SENP8: variants seen among roughly 807,000 people sequenced by gnomAD.
SENP8 encodes sentrin-specific protease 8.
In SENP8, 10 loss-of-function variants were observed where a neutral mutation model predicts 14.4. The ratio of observed to expected loss-of-function variants is 0.69; its 90% CI spans 0.43 to 1.18. The LOEUF (loss-of-function observed/expected upper bound fraction) is 1.18, where lower values mean the gene tolerates loss of function less well. Ranked by LOEUF, SENP8 falls within the 50% of genes most tolerant of loss-of-function variation. The pLI is 0.00. For synonymous variants in SENP8, 94 were observed against 95.5 expected, an observed-to-expected ratio of 0.98 and a Z score of 0.09; for missense variants, 202 against 249.4, an observed-to-expected ratio of 0.81 and a Z score of 1.28.
At chr15:72,116,226 C>T (rs556275174), upstream of SENP8, among the ~76,000 whole-genome samples, 6 of 152,270 alleles carry the variant, frequency 3.9e-5, no homozygotes, top group African/African-American at 1.4e-4. Flanking sequence ...AAACTTTTGG[C>T]TTTTACGTCT....
chr15:72,138,782 G>A (rs1371889499), intron 1 of SENP8, among the ~76,000 whole-genome samples: 3 of 150,956 alleles, frequency 2.0e-5, no homozygotes, highest in Non-Finnish European at 3.0e-5. Flanking sequence ...CTGATATGGC[G>A]AAACCCTGTC....
intron 1 of SENP8, among the ~76,000 whole-genome samples, chr15:72,123,209 G>A (rs534013867): frequency 1.3e-5 from 2 of 152,340 alleles, no homozygotes; most frequent in Admixed American, 1.3e-4. Flanking sequence ...TTCAAATAGT[G>A]TGTTTGCATA....
upstream of SENP8, among the ~76,000 whole-genome samples, chr15:72,115,372 T>C (rs965441411): frequency 6.6e-5 from 10 of 152,254 alleles, no homozygotes; most frequent in Middle Eastern, 6.8e-3. Context: ...AAACTGAACA[T>C]GTCACAAATT....
chr15:72,121,677 G>A (rs1271137817), intron 1 of SENP8, among the ~76,000 whole-genome samples: 1 of 152,146 alleles, frequency 6.6e-6, no homozygotes, highest in Non-Finnish European at 1.5e-5. Context: ...AGGCTGCAGT[G>A]TTCATGCCAC....
chr15:72,126,716 A>T (rs1392763370), intron 1 of SENP8, among the ~76,000 whole-genome samples: 1 of 152,186 alleles, frequency 6.6e-6, no homozygotes, highest in Non-Finnish European at 1.5e-5. Flanking sequence ...ACACGCTGAA[A>T]ACACTGGAAT....
intron 1 of SENP8, among the ~76,000 whole-genome samples, chr15:72,121,580 A>C (rs908174370): frequency 6.6e-6 from 1 of 151,440 alleles, no homozygotes; most frequent in Non-Finnish European, 1.5e-5. Context: ...AAAAAAAAAG[A>C]AAATTAGCCA....
chr15:72,116,478 T>C (rs1419140010), upstream of SENP8, among the ~76,000 whole-genome samples: 6 of 152,210 alleles, frequency 3.9e-5, no homozygotes, highest in African/African-American at 7.2e-5. Flanking sequence ...ATGACCTCAG[T>C]GAACACTGCA....
intron 1 of SENP8, among the ~76,000 whole-genome samples, chr15:72,122,158 G>A (rs992128433): frequency 7.0e-6 from 1 of 143,542 alleles, no homozygotes; most frequent in Admixed American, 7.0e-5. Context: ...CAAAAGAATG[G>A]GAGGTCCTCA....
intron 1 of SENP8, among the ~76,000 whole-genome samples, chr15:72,132,946 G>A (rs967407816): frequency 1.4e-4 from 21 of 152,228 alleles, no homozygotes; most frequent in South Asian, 2.1e-4. Flanking sequence ...CAAGGCGGGC[G>A]GAACACCTGA....
intron 1 of SENP8, among the ~76,000 whole-genome samples, chr15:72,137,800 G>A (rs1036070304): frequency 3.3e-5 from 5 of 151,994 alleles, no homozygotes; most frequent in Admixed American, 6.6e-5. Flanking sequence ...GTGAAACCCC[G>A]TCTCTACTAA....
intron 1 of SENP8, among the ~76,000 whole-genome samples, chr15:72,128,349 T>A (rs1416431252): frequency 6.6e-6 from 1 of 152,250 alleles, no homozygotes; most frequent in Non-Finnish European, 1.5e-5. Flanking sequence ...TGCTAAAGCA[T>A]AAGCTTGTGC....
chr15:72,129,577 A>C, intron 1 of SENP8, among the ~76,000 whole-genome samples: 1 of 136,308 alleles, frequency 7.3e-6, no homozygotes, highest in Non-Finnish European at 1.5e-5. Context: ...GGGTTTCTCC[A>C]TGTTGGTCAG....
intron 1 of SENP8, among the ~76,000 whole-genome samples, chr15:72,138,399 G>T (rs1387992148): frequency 6.7e-6 from 1 of 150,174 alleles, no homozygotes; most frequent in Non-Finnish European, 1.5e-5. Context: ...GCCCAGGCTG[G>T]AGCGCAATGG....
chr15:72,138,223 T>A (rs1465192468), intron 1 of SENP8, among the ~76,000 whole-genome samples: 1 of 152,168 alleles, frequency 6.6e-6, no homozygotes. Flanking sequence ...AGTTTCCAGT[T>A]CTCATTCTAA....
chr15:72,131,761 C>A (rs1257158590), intron 1 of SENP8, among the ~76,000 whole-genome samples: 2 of 152,124 alleles, frequency 1.3e-5, no homozygotes, highest in Non-Finnish European at 2.9e-5. Flanking sequence ...AACAATTTTC[C>A]CTGGACTTAG....
In SENP8 at chr15:72,140,336, C is replaced by G; in HGVS notation, c.*74C>G. ...CCCATTTGTTGGATGGCTGCAATCT[C>G]AGTGCCTGAGGGAAGATGCCTAGTA... is the stretch of plus-strand genomic sequence containing the variant. On this transcript the variant is annotated 3_prime_UTR_variant, in exon 2 of 2. Coordinates refer to ENST00000340912, the MANE Select transcript of SENP8 (RefSeq NM_145204.4). The G allele has an allele frequency of 9.2e-7, 1 of 1,087,300 alleles. No individual in the cohort carries two copies. The highest frequency in any genetic ancestry group is 1.4e-5 in the South Asian group (1 of 70,358). 67.4% of individuals were successfully genotyped at this position (1,087,300 alleles called of 1,614,324 possible). A position where few individuals can be genotyped will look rare whatever the true frequency, so the allele number is the denominator to read the frequency against.
upstream of SENP8, chr15:72,116,933 T>C (rs145160822): frequency 0.013 from 1,915 of 152,292 alleles, 57 homozygotes; most frequent in Admixed American, 0.058. Context: ...CCTCCAAACA[T>C]GGGTCTCGGT....
intron 1 of SENP8, among the ~76,000 whole-genome samples, chr15:72,129,534 G>GTTT (rs1185814726): frequency 2.2e-5 from 3 of 135,972 alleles, no homozygotes; most frequent in Non-Finnish European, 3.2e-5. Context: ...GGCTAATTTT[G>GTTT]TATTTTTTTT....
At chr15:72,133,149 C>T (rs967313668) in intron 1 of SENP8, among the ~76,000 whole-genome samples, 11 of 152,160 alleles carry the variant, frequency 7.2e-5, no homozygotes, top group Non-Finnish European at 1.3e-4. Flanking sequence ...CCAGCCTGGG[C>T]GACAGAGTGA....
Sources: allele counts gnomAD v4.1 joint callset (sites outside exome capture counted in the v4.1 genomes callset), GRCh38; gene constraint gnomAD v4.1.1; transcripts MANE v1.5; gene names NCBI Gene and HGNC (gene_info 2026-07-23, HGNC 2026-07-21).